The following IL1F10 variants were observed in gnomAD, a reference collection of about 807,000 sequenced individuals.
IL1F10 encodes the protein interleukin 1 family member 10.
In IL1F10, 13 loss-of-function variants were observed where a neutral mutation model predicts 13.1. The observed-to-expected ratio is 0.99, with a 90% CI of 0.64 to 1.57. IL1F10 has a LOEUF of 1.57. IL1F10 is among the 40% of genes most tolerant of loss of function. The pLI, the probability that IL1F10 is intolerant of heterozygous loss-of-function variation, is 0.00. For missense variants in IL1F10, 191 were observed against 184.1 expected (o/e 1.04, Z -0.22); for synonymous variants, 78 against 68.2 (o/e 1.14, Z -0.71).
chr2:113,075,296 CCAGT>C lies in IL1F10; in HGVS notation c.392_395del (p.Pro131HisfsTer57). ...GTGTGGCCCGGCAGAGCCCCAGCAG[CCAGT>C]ACAGCTCACCAAGGAGAGTGAGCCC... is the stretch of plus-strand genomic sequence containing the variant. On this transcript the variant is annotated frameshift_variant, in exon 5 of 5. Coordinates refer to ENST00000341010, the MANE Select transcript of IL1F10 (RefSeq NM_173161.3). LOFTEE classifies it high-confidence loss of function. The C allele has an allele frequency of 1.9e-6, 3 of 1,609,636 alleles. No individual in the cohort carries two copies. Among genetic ancestry groups the C allele is most frequent in the Non-Finnish European group, 2.5e-6 (3 of 1,176,560 alleles).
chr2:113,072,522 A>G (rs750278292), intron 1 of IL1F10, 189 bp from the exon 2 acceptor site: 3 of 531,964 alleles, frequency 5.6e-6, no homozygotes, highest in South Asian at 2.4e-5. Flanking sequence ...AGCCTCAGTC[A>G]GGGAGAGGCA....
At chr2:113,072,921 G>C in intron 2 of IL1F10, 151 bp downstream of exon 2, 1 of 659,720 alleles carries the variant, frequency 1.5e-6, no homozygotes, top group Non-Finnish European at 2.7e-6. Flanking sequence ...AGTAGCAACA[G>C]CTCTTTCCTG....
chr2:113,069,551 T>C lies in IL1F10; in HGVS notation c.-29+1535T>C, dbSNP rs1446520. Among the ~76,000 whole-genome samples, 2,220 of 152,178 alleles carry C rather than the reference T, an allele frequency of 0.015. 167 individuals are homozygous for C. In the East Asian group the frequency reaches 0.23, roughly 16 times the overall value. On this transcript the variant is annotated intron_variant, in intron 1 of 4. Coordinates refer to ENST00000341010, the MANE Select transcript of IL1F10 (RefSeq NM_173161.3). Reference sequence around the variant, plus strand: ...TATTATGACAGTGAGAGAAATGAAATTGGGAGGAATGTGTGGGCTGGGAGG... The same window carrying C: ...TATTATGACAGTGAGAGAAATGAAACTGGGAGGAATGTGTGGGCTGGGAGG...
intron 1 of IL1F10, among the ~76,000 whole-genome samples, chr2:113,069,882 A>G (rs1342428834): frequency 1.3e-5 from 2 of 152,226 alleles, no homozygotes; most frequent in East Asian, 1.9e-4. Flanking sequence ...CAATGACTAA[A>G]TATCAAAGGA....
chr2:113,074,556 C>A (rs6761821), intron 3 of IL1F10, 142 bp downstream of exon 3: 21 of 1,083,920 alleles, frequency 1.9e-5, no homozygotes, highest in Non-Finnish European at 3.0e-5. Context: ...CCTCTCCTAG[C>A]GAGGGGACAT....
intron 1 of IL1F10, chr2:113,072,499 C>G: frequency 1.9e-6 from 1 of 512,906 alleles, no homozygotes; most frequent in Non-Finnish European, 3.5e-6. Context: ...GGTGGCTGGA[C>G]TTGCTCCCGG....
At position 113,072,635 on chromosome 2, in the gene IL1F10, G is replaced by T. The variant is rs28928293; in HGVS notation, c.-28-76G>T. On this transcript the variant is annotated intron_variant, in intron 1 of 4. Coordinates refer to ENST00000341010, the MANE Select transcript of IL1F10 (RefSeq NM_173161.3). ...AACCCGTGCAGCCCTTGGCTGAGTG[G>T]TTCTAAGCCCCAGCACGTCTGCCTC... is the stretch of plus-strand genomic sequence containing the variant. 4.1e-3 allele frequency: 4,131 copies of T among 1,006,710 alleles called. 106 individuals carry two copies. In the African/African-American group the frequency reaches 0.058, roughly 14 times the overall value. 62.4% of individuals were successfully genotyped at this position (1,006,710 alleles called of 1,614,324 possible). A position where few individuals can be genotyped will look rare whatever the true frequency, so the allele number is the denominator to read the frequency against.
intron 3 of IL1F10, 81 bp downstream of exon 3, chr2:113,074,495 G>A: frequency 1.6e-6 from 2 of 1,228,552 alleles, no homozygotes; most frequent in Non-Finnish European, 2.4e-6. Context: ...CCCAGCAGAG[G>A]GTCAGCAGCT....
At chr2:113,073,918 G>T (rs1198813132) in intron 2 of IL1F10, among the ~76,000 whole-genome samples, 2 of 152,134 alleles carry the variant, frequency 1.3e-5, no homozygotes, top group East Asian at 3.9e-4. Flanking sequence ...GTACTAAAGA[G>T]AATAAACATT....
chr2:113,068,624 G>T (rs1172910472), intron 1 of IL1F10, among the ~76,000 whole-genome samples: 20 of 152,182 alleles, frequency 1.3e-4, no homozygotes, highest in Non-Finnish European at 7.4e-5. Flanking sequence ...CTAGGACTCA[G>T]CCTTTCTATT....
At chr2:113,069,550 A>G (rs1479167621) in intron 1 of IL1F10, among the ~76,000 whole-genome samples, 2 of 152,222 alleles carry the variant, frequency 1.3e-5, no homozygotes, top group Non-Finnish European at 2.9e-5. Context: ...GAGAAATGAA[A>G]TTGGGAGGAA....
At chr2:113,068,210 T>C (rs1483281459) in intron 1 of IL1F10, among the ~76,000 whole-genome samples, 194 bp downstream of exon 1, 2 of 152,216 alleles carry the variant, frequency 1.3e-5, no homozygotes, top group Non-Finnish European at 2.9e-5. Context: ...GGAGAAGGAA[T>C]AGGTTAAGCC....
rs562397389 is a variant in IL1F10, at chr2:113,072,615, G to A, written c.-28-96G>A. ...TATAGACGAATGGCCTGGGGAACCC[G>A]TGCAGCCCTTGGCTGAGTGGTTCTA... On this transcript the variant is annotated intron_variant, in intron 1 of 4. Coordinates refer to ENST00000341010, the MANE Select transcript of IL1F10 (RefSeq NM_173161.3). 50 of 767,598 alleles carry A rather than the reference G, an allele frequency of 6.5e-5. No homozygotes were observed. In the African/African-American group the frequency reaches 7.9e-4, roughly 12 times the overall value. The allele number at this position is 767,598 out of a possible 1,614,324, so 47.5% of individuals were successfully genotyped here.
In IL1F10 at chr2:113,075,158, A is replaced by G. The variant is rs770673479; in HGVS notation, c.253A>G (p.Asn85Asp). The change falls in exon 5 of 5, where the codon AAC becomes GAC. Residue 85 changes from asparagine to aspartate, a missense_variant. Asn to Asp is a conservative substitution (Grantham distance 23, BLOSUM62 1). Coordinates refer to ENST00000341010, the MANE Select transcript of IL1F10 (RefSeq NM_173161.3). ...ATCCACCTTGCCCCCACAGGATGTGAACATTGAGGAACTGTACAAAGGTGG... is the reference window on the plus strand; with the variant it reads ...ATCCACCTTGCCCCCACAGGATGTGGACATTGAGGAACTGTACAAAGGTGG... Reference protein sequence around the residue: ...EGPSLQLEDVNIEELYKGGEE... With the variant: ...EGPSLQLEDVDIEELYKGGEE... 2 of 1,603,204 alleles carry G rather than the reference A, an allele frequency of 1.2e-6. No individual in the cohort carries two copies. The highest frequency in any genetic ancestry group is 1.7e-6 in the Non-Finnish European group (2 of 1,173,060).
intron 2 of IL1F10, among the ~76,000 whole-genome samples, chr2:113,074,048 A>G (rs7569496): frequency 0.019 from 2,933 of 152,298 alleles, 83 homozygotes; most frequent in African/African-American, 0.066. Context: ...CCCCTCTGTC[A>G]GAGGGCATTG....
intron 1 of IL1F10, among the ~76,000 whole-genome samples, chr2:113,072,158 C>T (rs559252232): frequency 6.6e-6 from 1 of 152,326 alleles, no homozygotes; most frequent in South Asian, 2.1e-4. Context: ...CACTTCTAGT[C>T]ACTAGGAATG....
In IL1F10 at chr2:113,074,328, G is replaced by T. The variant is rs1485143453; in HGVS notation, c.33-1G>T. On this transcript the variant is annotated splice_acceptor_variant, in intron 2 of 4. Transcript: ENST00000341010. LOFTEE classifies it high-confidence loss of function. Reference sequence around the variant, plus strand: ...CCATCAGCACTGTCATACTGTTTCAGAATTAAATATGCAGACCAGAAGGCT... The same window carrying T: ...CCATCAGCACTGTCATACTGTTTCATAATTAAATATGCAGACCAGAAGGCT... 7 of 1,605,966 alleles carry T rather than the reference G, an allele frequency of 4.4e-6. No individual in the cohort carries two copies. The highest frequency in any genetic ancestry group is 3.3e-5 in the South Asian group (3 of 90,840).
At position 113,074,534 on chromosome 2, in the gene IL1F10, G is replaced by GAGC. The variant is rs1324713537; in HGVS notation, c.118+124_118+126dup. Reference sequence around the variant, plus strand: ...CCCAGTGACAGTGAGAAGGGCCAGAGAGCAGCTGTGGCCTCTCCTAGCGAG... The same window carrying GAGC: ...CCCAGTGACAGTGAGAAGGGCCAGAGAGCAGCAGCTGTGGCCTCTCCTAGCGAG... On this transcript the variant is annotated intron_variant, in intron 3 of 4. Transcript: ENST00000341010. The GAGC allele has an allele frequency of 7.5e-6, 8 of 1,066,288 alleles. No homozygotes were observed. In the African/African-American group the frequency reaches 1.2e-4, roughly 17 times the overall value. The allele number at this position is 1,066,288 out of a possible 1,614,324, so 66.1% of individuals were successfully genotyped here. A position where few individuals can be genotyped will look rare whatever the true frequency, so the allele number is the denominator to read the frequency against.
rs28928297 is a variant in IL1F10 at position 113,074,573 on chromosome 2, T to C, written c.119-150T>C. 4.4e-3 allele frequency: 4,984 copies of C among 1,145,658 alleles called. 111 individuals are homozygous for C. In the African/African-American group the frequency reaches 0.059, roughly 14 times the overall value. The allele number at this position is 1,145,658 out of a possible 1,614,324, so 71.0% of individuals were successfully genotyped here. On this transcript the variant is annotated intron_variant, in intron 3 of 4. Transcript: ENST00000341010. ...TCTCCTAGCGAGGGGACATGACTCC[T>C]GCAGAAGTCCTGGCTCACCGTCCAG...
Sources: allele counts gnomAD v4.1 joint callset (sites outside exome capture counted in the v4.1 genomes callset), GRCh38; gene constraint gnomAD v4.1.1; transcripts MANE v1.5; gene names NCBI Gene and HGNC (gene_info 2026-07-23, HGNC 2026-07-21).